The following ATF7IP2 variants were observed in gnomAD, a reference collection of about 807,000 sequenced individuals.
ATF7IP2 encodes activating transcription factor 7 interacting protein 2, also known as activating transcription factor 7-interacting protein 2.
ATF7IP2 carries 42 observed loss-of-function variants against 64.2 expected under a neutral mutation model. The ratio of observed to expected loss-of-function variants is 0.65; its 90% CI spans 0.51 to 0.85. The LOEUF (loss-of-function observed/expected upper bound fraction) is 0.85. Ranked by LOEUF, ATF7IP2 falls within the 40% of genes least tolerant of loss-of-function variation. The pLI, the probability that ATF7IP2 is intolerant of heterozygous loss-of-function variation, is 0.00. For missense variants in ATF7IP2, 933 were observed against 784.2 expected, an observed-to-expected ratio of 1.19 and a Z score of -2.27; for synonymous variants, 308 against 272.8, an observed-to-expected ratio of 1.13 and a Z score of -1.27.
At chr16:10,465,305 T>G (rs558688190) in intron 9 of ATF7IP2, among the ~76,000 whole-genome samples, 1 of 152,116 alleles carries the variant, frequency 6.6e-6, no homozygotes, top group Non-Finnish European at 1.5e-5. Context: ...TACTACATAA[T>G]AACAATGCCT....
chr16:10,423,886 T>A (rs139225373), intron 3 of ATF7IP2, among the ~76,000 whole-genome samples: 1 of 152,180 alleles, frequency 6.6e-6, no homozygotes, highest in African/African-American at 2.4e-5. Flanking sequence ...TCGGGTGTCC[T>A]CCAGCGTAGT....
At chr16:10,416,343 C>G (rs983576358) in intron 2 of ATF7IP2, among the ~76,000 whole-genome samples, 13 of 152,160 alleles carry the variant, frequency 8.5e-5, no homozygotes, top group African/African-American at 2.9e-4. Context: ...TGAAATAAGC[C>G]AGGCACAGAA....
intron 8 of ATF7IP2, among the ~76,000 whole-genome samples, chr16:10,444,725 T>G (rs8050157): frequency 0.02 from 3,042 of 152,278 alleles, 95 homozygotes; most frequent in African/African-American, 0.069. Context: ...CCTTCCTTGA[T>G]GAAGGTGGAT....
At chr16:10,393,304 A>T (rs1378810952) in intron 1 of ATF7IP2, among the ~76,000 whole-genome samples, 2 of 121,094 alleles carry the variant, frequency 1.7e-5, no homozygotes, top group East Asian at 5.1e-4. Context: ...TGACAGAGTG[A>T]GACTCTGTCT....
At chr16:10,477,677 G>C (rs2050062466) in intron 12 of ATF7IP2, among the ~76,000 whole-genome samples, 1 of 151,344 alleles carries the variant, frequency 6.6e-6, no homozygotes, top group Non-Finnish European at 1.5e-5. Context: ...GGAAATAAAG[G>C]GTATTCAATT....
chr16:10,400,328 A>G (rs2047502928), intron 1 of ATF7IP2, among the ~76,000 whole-genome samples: 1 of 152,246 alleles, frequency 6.6e-6, no homozygotes, highest in African/African-American at 2.4e-5. Context: ...GGCATTAGCC[A>G]CCGTGCCCAG....
Position 10,432,548 on chromosome 16 carries a change from A to T in ATF7IP2, c.836-977A>T, listed in dbSNP as rs527361216. 2.0e-5 allele frequency among the ~76,000 whole-genome samples: 3 copies of T among 152,238 alleles called. No individual in the cohort carries two copies. The East Asian group carries it at 5.8e-4, about 29-fold the overall frequency. The stretch of plus-strand genomic sequence containing the variant: ...TTGAGCCATCCAGGCTAGCCTGGGC[A>T]ACAGATCCAAGACCCTGTCTCTTAA... On this transcript the variant is annotated intron_variant, in intron 5 of 13. Coordinates refer to ENST00000562102, the MANE Select transcript of ATF7IP2 (RefSeq NM_001393719.1).
At chr16:10,481,581 G>A (rs1475386385) in intron 13 of ATF7IP2, among the ~76,000 whole-genome samples, 1 of 152,162 alleles carries the variant, frequency 6.6e-6, no homozygotes, top group Non-Finnish European at 1.5e-5. Flanking sequence ...GTGTTTGAGA[G>A]CGCAATTTGG....
In ATF7IP2 at chr16:10,470,813, A is replaced by ATATGTG. The variant is rs370065408; in HGVS notation, c.1353-1296_1353-1295insATGTGT. On this transcript the variant is annotated intron_variant, in intron 9 of 13. Transcript: ENST00000562102. ...AATATATATATATGTATATATATAT[A>ATATGTG]TGTGTGTGTGTATATATATATATAT... is the stretch of plus-strand genomic sequence containing the variant. 4.5e-3 allele frequency among the ~76,000 whole-genome samples: 632 copies of ATATGTG among 140,780 alleles called. 8 individuals carry two copies. Among genetic ancestry groups the ATATGTG allele is most frequent in the African/African-American group, 0.018 (607 of 33,012 alleles). 92.4% of individuals were successfully genotyped at this position (140,780 alleles called of 152,430 possible).
intron 3 of ATF7IP2, among the ~76,000 whole-genome samples, chr16:10,423,514 T>G (rs1380164352): frequency 6.6e-6 from 1 of 152,192 alleles, no homozygotes; most frequent in Non-Finnish European, 1.5e-5. Flanking sequence ...CTTGCTGAAT[T>G]CCTGCCTGAA....
rs775695051 is a variant in ATF7IP2 at position 10,431,129 on chromosome 16, C to T, written c.509C>T (p.Pro170Leu). Residue 170 changes from proline to leucine, a missense_variant, in exon 5 of 14, where the codon CCA becomes CTA. Pro to Leu is a moderately conservative substitution (Grantham distance 98, BLOSUM62 -3). Transcript: ENST00000562102. The part of the protein sequence containing the change: ...GACSLKSSCC[P>L]PSVLSGVVQM... ...TGTAGTCTAAAGTCCAGTTGCTGTC[C>T]ACCCAGTGTATTGAGTGGTGTTGTT... The T allele has an allele frequency of 1.9e-6, 3 of 1,614,008 alleles. No homozygotes were observed. The highest frequency in any genetic ancestry group is 2.5e-6 in the Non-Finnish European group (3 of 1,180,034).
intron 5 of ATF7IP2, among the ~76,000 whole-genome samples, chr16:10,433,076 G>A (rs1488901721): frequency 6.6e-6 from 1 of 151,828 alleles, no homozygotes; most frequent in African/African-American, 2.4e-5. Flanking sequence ...TTAGTTTGTG[G>A]GTACGTATTT....
intron 1 of ATF7IP2, among the ~76,000 whole-genome samples, chr16:10,410,393 A>T (rs1193096498): frequency 6.6e-6 from 1 of 151,770 alleles, no homozygotes; most frequent in Non-Finnish European, 1.5e-5. Flanking sequence ...TCCCCCAGCT[A>T]TTGTAAAAGT....
At chr16:10,429,753 A>ATTT (rs2048182294) in intron 4 of ATF7IP2, among the ~76,000 whole-genome samples, 3 of 138,204 alleles carry the variant, frequency 2.2e-5, no homozygotes, top group African/African-American at 8.2e-5. Context: ...TATTTATTTT[A>ATTT]TTTTATTATT....
intron 1 of ATF7IP2, among the ~76,000 whole-genome samples, chr16:10,408,127 A>T (rs968774321): frequency 1.3e-5 from 2 of 151,900 alleles, no homozygotes; most frequent in Non-Finnish European, 2.9e-5. Flanking sequence ...GGCCAGGATG[A>T]TCTTGATTTC....
chr16:10,464,515 G>C (rs2049488532), intron 9 of ATF7IP2, among the ~76,000 whole-genome samples: 1 of 152,166 alleles, frequency 6.6e-6, no homozygotes, highest in African/African-American at 2.4e-5. Context: ...GCTCATAGAA[G>C]AGAAAGTTTA....
At chr16:10,452,321 T>C (rs1256073068) in intron 8 of ATF7IP2, among the ~76,000 whole-genome samples, 1 of 152,218 alleles carries the variant, frequency 6.6e-6, no homozygotes, top group Admixed American at 6.5e-5. Flanking sequence ...ACGTCCTTTT[T>C]GTTGATGTTG....
At chr16:10,411,136 T>G (rs551635003) in intron 1 of ATF7IP2, among the ~76,000 whole-genome samples, 1 of 152,306 alleles carries the variant, frequency 6.6e-6, no homozygotes, top group East Asian at 1.9e-4. Context: ...TAAGGACTTT[T>G]GCATCTAAGT....
At chr16:10,418,709 G>A (rs1339403988) in intron 2 of ATF7IP2, among the ~76,000 whole-genome samples, 2 of 152,192 alleles carry the variant, frequency 1.3e-5, no homozygotes, top group Non-Finnish European at 2.9e-5. Flanking sequence ...AATGTCCAAC[G>A]ACAAGTTTGT....
Sources: gnomAD v4.1 joint callset for allele counts (sites outside exome capture counted in the v4.1 genomes callset) on GRCh38, gnomAD v4.1.1 for gene constraint, MANE v1.5 for transcripts, NCBI Gene and HGNC (gene_info 2026-07-23, HGNC 2026-07-21) for gene names.